The following NEO1 variants were observed in gnomAD, a reference collection of about 807,000 sequenced individuals.
NEO1 encodes neogenin.
In NEO1, 63 loss-of-function variants were observed where a neutral mutation model predicts 159.7. That is an observed-to-expected ratio of 0.39 (90% CI 0.32 to 0.49). The LOEUF is 0.49. NEO1 is among the 20% of genes least tolerant of loss of function. The pLI is 0.85. For missense variants in NEO1, 1,615 were observed against 1,831.0 expected, an observed-to-expected ratio of 0.88 and a Z score of 2.15; for synonymous variants, 633 against 662.0, an observed-to-expected ratio of 0.96 and a Z score of 0.67.
intron 5 of NEO1, among the ~76,000 whole-genome samples, chr15:73,151,262 T>G (rs2033348712): frequency 6.6e-6 from 1 of 152,232 alleles, no homozygotes; most frequent in Admixed American, 6.5e-5. Context: ...GTGAGGTATT[T>G]TCTAAACAGT....
intron 5 of NEO1, among the ~76,000 whole-genome samples, chr15:73,171,966 G>C (rs1260108835): frequency 6.6e-6 from 1 of 152,082 alleles, no homozygotes; most frequent in African/African-American, 2.4e-5. Flanking sequence ...ATACCAGCCT[G>C]ATGATGGTAT....
At chr15:73,091,375 T>A (rs1217334130) in intron 1 of NEO1, among the ~76,000 whole-genome samples, 1 of 152,220 alleles carries the variant, frequency 6.6e-6, no homozygotes, top group Non-Finnish European at 1.5e-5. Flanking sequence ...AAAATTTGTT[T>A]ATACAAACTT....
chr15:73,071,094 G>A (rs957717235), intron 1 of NEO1, among the ~76,000 whole-genome samples: 4 of 151,964 alleles, frequency 2.6e-5, no homozygotes, highest in African/African-American at 9.7e-5. Flanking sequence ...ACTACAGGTG[G>A]GTGCTACCAC....
chr15:73,222,909 G>A (rs945529546), intron 7 of NEO1, among the ~76,000 whole-genome samples: 9 of 152,074 alleles, frequency 5.9e-5, no homozygotes, highest in African/African-American at 9.7e-5. Flanking sequence ...TGATGTAGGC[G>A]TTTAGGGCTA....
chr15:73,203,194 A>G (rs1316223258), intron 7 of NEO1, among the ~76,000 whole-genome samples: 1 of 152,190 alleles, frequency 6.6e-6, no homozygotes, highest in Non-Finnish European at 1.5e-5. Flanking sequence ...CTGTTTTCAC[A>G]GTGGCTGTAC....
rs1567716178 is a variant in NEO1, at chr15:73,293,409, C to T, written c.3762C>T (p.Pro1254=). 3 of 1,614,172 alleles carry T rather than the reference C, an allele frequency of 1.9e-6. No individual in the cohort carries two copies. Among genetic ancestry groups the T allele is most frequent in the East Asian group, 2.2e-5 (1 of 44,878 alleles). The change falls in exon 26 of 29, where the codon CCC becomes CCT. Residue 1254 remains proline (P), a synonymous_variant. Coordinates refer to ENST00000261908, the MANE Select transcript of NEO1 (RefSeq NM_002499.4). Reference sequence around the variant, plus strand: ...TCACAGCTGTGATTAGTGCCCATCCCATCCATTCCCTCGATAACCCTCACC... The same window carrying T: ...TCACAGCTGTGATTAGTGCCCATCCTATCCATTCCCTCGATAACCCTCACC... ...QPPQPVISAH[P]IHSLDNPHHH...
At chr15:73,132,492 G>T (rs2151725686) in intron 4 of NEO1, among the ~76,000 whole-genome samples, 1 of 152,190 alleles carries the variant, frequency 6.6e-6, no homozygotes. Context: ...AAGACTTCAT[G>T]ACCCTGAATG....
chr15:73,139,347 A>G (rs865923511), intron 5 of NEO1, among the ~76,000 whole-genome samples: 6 of 152,292 alleles, frequency 3.9e-5, no homozygotes, highest in Admixed American at 6.5e-5. Flanking sequence ...TTGAACTGAG[A>G]CGCTCCTGCC....
chr15:73,200,670 CTT>C lies in NEO1; in HGVS notation c.1291+22264_1291+22265del, dbSNP rs931779531. Among the ~76,000 whole-genome samples, 479 of 92,840 alleles carry C rather than the reference CTT, an allele frequency of 5.2e-3. 4 individuals carry two copies. The highest frequency in any genetic ancestry group is 0.018 in the African/African-American group (463 of 25,256). The allele number at this position is 92,840 out of a possible 152,430, so 60.9% of individuals were successfully genotyped here. A position where few individuals can be genotyped will look rare whatever the true frequency, so the allele number is the denominator to read the frequency against. Reference sequence around the variant, plus strand: ...AGAGTTGTTTATAGTATTCCCTTATCTTTTTTTTTTTTTTTTTTTTTTGAGAC... The same window carrying C: ...AGAGTTGTTTATAGTATTCCCTTATCTTTTTTTTTTTTTTTTTTTTGAGAC... On this transcript the variant is annotated intron_variant, in intron 7 of 28. Transcript: ENST00000261908.
intron 7 of NEO1, among the ~76,000 whole-genome samples, chr15:73,191,003 C>T (rs1384443295): frequency 6.6e-5 from 10 of 152,034 alleles, no homozygotes; most frequent in Non-Finnish European, 1.3e-4. Context: ...CAAACATATG[C>T]ATTTAATGTA....
chr15:73,178,964 T>G (rs2035442749), intron 7 of NEO1, among the ~76,000 whole-genome samples: 1 of 152,296 alleles, frequency 6.6e-6, no homozygotes, highest in East Asian at 1.9e-4. Flanking sequence ...AAATCCACGT[T>G]TCTTAGAAAA....
At chr15:73,224,203 C>T (rs2150776757) in intron 7 of NEO1, among the ~76,000 whole-genome samples, 1 of 152,262 alleles carries the variant, frequency 6.6e-6, no homozygotes, top group South Asian at 2.1e-4. Context: ...TTGTAGGTTA[C>T]CTGGTGCTTC....
At chr15:73,077,613 A>G (rs2068836921) in intron 1 of NEO1, among the ~76,000 whole-genome samples, 1 of 152,226 alleles carries the variant, frequency 6.6e-6, no homozygotes, top group Non-Finnish European at 1.5e-5. Context: ...AGCAAAAACT[A>G]ATTATGATTC....
At chr15:73,179,969 T>C (rs951920114) in intron 7 of NEO1, among the ~76,000 whole-genome samples, 2 of 152,138 alleles carry the variant, frequency 1.3e-5, no homozygotes, top group African/African-American at 4.8e-5. Context: ...TTGAACTTTT[T>C]ATGTGATTAT....
intron 5 of NEO1, among the ~76,000 whole-genome samples, chr15:73,138,114 C>G (rs2031960564): frequency 6.6e-6 from 1 of 152,044 alleles, no homozygotes; most frequent in Admixed American, 6.6e-5. Context: ...TTTACAGTAA[C>G]ATACAATAAT....
chr15:73,069,823 T>C (rs1188522032), intron 1 of NEO1, among the ~76,000 whole-genome samples: 4 of 152,172 alleles, frequency 2.6e-5, no homozygotes, highest in African/African-American at 7.2e-5. Context: ...AGGTAGGACA[T>C]GAGACAGAAA....
rs8029106 is a variant in NEO1, at chr15:73,222,453, T to G, written c.1292-13894T>G. Among the ~76,000 whole-genome samples, 7 of 151,808 alleles carry G rather than the reference T, an allele frequency of 4.6e-5. No individual in the cohort carries two copies. The East Asian group carries it at 1.4e-3, about 30-fold the overall frequency. On this transcript the variant is annotated intron_variant, in intron 7 of 28. Coordinates refer to ENST00000261908, the MANE Select transcript of NEO1 (RefSeq NM_002499.4). Reference sequence around the variant, plus strand: ...TCTCGCTGCTTGTTATTGATCTATTTAGAGTATCTAATTCCTGATTAAAGC... The same window carrying G: ...TCTCGCTGCTTGTTATTGATCTATTGAGAGTATCTAATTCCTGATTAAAGC...
intron 1 of NEO1, among the ~76,000 whole-genome samples, chr15:73,077,162 G>T (rs2068809426): frequency 6.6e-6 from 1 of 152,126 alleles, no homozygotes; most frequent in Admixed American, 6.6e-5. Flanking sequence ...TCCTGCCTCA[G>T]CCTCCCGAGT....
At chr15:73,167,180 C>T (rs1439911257) in intron 5 of NEO1, among the ~76,000 whole-genome samples, 4 of 149,112 alleles carry the variant, frequency 2.7e-5, no homozygotes, top group African/African-American at 5.0e-5. Flanking sequence ...ATGTAAATGA[C>T]GAGTTAATGG....
Sources: allele counts gnomAD v4.1 joint callset (sites outside exome capture counted in the v4.1 genomes callset), GRCh38; gene constraint gnomAD v4.1.1; transcripts MANE v1.5; gene names NCBI Gene and HGNC (gene_info 2026-07-23, HGNC 2026-07-21).